The following SLC17A5 variants were observed in gnomAD, a reference collection of about 807,000 sequenced individuals.
The protein encoded by SLC17A5 is solute carrier family 17 member 5, also known as sialin.
A neutral mutation model predicts 59.4 loss-of-function variants in SLC17A5; 47 were observed. The observed-to-expected ratio is 0.79, with a 90% confidence interval of 0.63 to 1.01. The LOEUF is 1.01. Among genes scored for constraint, SLC17A5 ranks in the 50% least tolerant of loss-of-function variants. SLC17A5 has a pLI of 0.00. For synonymous variants in SLC17A5, 202 were observed against 210.7 expected (o/e 0.96, Z 0.36); for missense variants, 522 against 595.5 (o/e 0.88, Z 1.28).
Position 73,601,232 on chromosome 6 carries a change from C to T in SLC17A5, c.1260-791G>A, listed in dbSNP as rs190683527. Among the ~76,000 whole-genome samples the T allele has an allele frequency of 1.3e-3, 184 of 140,642 alleles. 1 individual carries two copies. Among genetic ancestry groups the T allele is most frequent in the African/African-American group, 4.8e-3 (180 of 37,196 alleles). The allele number at this position is 140,642 out of a possible 152,430, so 92.3% of individuals were successfully genotyped here. On this transcript the variant is annotated intron_variant, in intron 9 of 10. Coordinates refer to ENST00000355773, the MANE Select transcript of SLC17A5 (RefSeq NM_012434.5). ...ATGTGAGGAGCGCCTCTGCCTGGCC[C>T]CGACCCCGTCTGGAAGGTGAGGAGC... is the stretch of plus-strand genomic sequence containing the variant.
intron 10 of SLC17A5, among the ~76,000 whole-genome samples, chr6:73,599,687 C>T (rs1279970188): frequency 6.6e-6 from 1 of 152,130 alleles, no homozygotes; most frequent in East Asian, 1.9e-4. Flanking sequence ...GGTACCGTGT[C>T]ACTTAAGGAA....
At chr6:73,603,570 A>G (rs912537116) in intron 9 of SLC17A5, among the ~76,000 whole-genome samples, 1 of 151,250 alleles carries the variant, frequency 6.6e-6, no homozygotes, top group Non-Finnish European at 1.5e-5. Flanking sequence ...ACAGGCATGC[A>G]CCACCATACC....
At chr6:73,602,419 A>C (rs1767179776) in intron 9 of SLC17A5, among the ~76,000 whole-genome samples, 1 of 147,322 alleles carries the variant, frequency 6.8e-6, no homozygotes, top group African/African-American at 2.6e-5. Flanking sequence ...TGTGAGAAAC[A>C]CCCAAGAATG....
rs779498642 is a variant in SLC17A5 at position 73,595,202 on chromosome 6, C to T, written c.1363G>A (p.Glu455Lys). Residue 455 changes from glutamate (E) to lysine (K), a missense_variant, in exon 11 of 11, where the codon GAA becomes AAA. Physicochemically the swap from Glu to Lys is moderately conservative, Grantham distance 56. Transcript: ENST00000355773. ...GCAATATAGAACACGGTTTGCCATTCTCCAACAGTGTTCTATAAAGGAAGA... is the reference window on the plus strand; with the variant it reads ...GCAATATAGAACACGGTTTGCCATTTTCCAACAGTGTTCTATAAAGGAAGA... ...KSLTPDNTVG[E>K]WQTVFYIAAA... The T allele has an allele frequency of 6.2e-7, 1 of 1,614,048 alleles. No homozygotes were observed. The highest frequency in any genetic ancestry group is 1.1e-5 in the South Asian group (1 of 91,074).
chr6:73,610,848 T>C (rs142696683), intron 8 of SLC17A5, among the ~76,000 whole-genome samples: 135 of 152,324 alleles, frequency 8.9e-4, no homozygotes, highest in African/African-American at 3.2e-3. Context: ...TAAAAATATG[T>C]TTCTAGAGAG....
intron 2 of SLC17A5, among the ~76,000 whole-genome samples, chr6:73,643,474 T>A (rs971861250): frequency 1.3e-4 from 19 of 142,050 alleles, no homozygotes; most frequent in South Asian, 6.6e-4. Context: ...ATTTATTATT[T>A]TTTATTTATT....
chr6:73,617,310 A>C (rs899916745), intron 7 of SLC17A5, among the ~76,000 whole-genome samples: 4 of 151,740 alleles, frequency 2.6e-5, no homozygotes. Flanking sequence ...GAAAAAAAAC[A>C]AAAAAAAGAA....
chr6:73,600,583 A>T, intron 9 of SLC17A5, 142 bp from the exon 10 acceptor site: 2 of 697,836 alleles, frequency 2.9e-6, no homozygotes, highest in Non-Finnish European at 2.4e-6. Flanking sequence ...ATCTCAGCTC[A>T]CTGCAGCCTC....
intron 10 of SLC17A5, among the ~76,000 whole-genome samples, chr6:73,598,533 A>G (rs1766921069): frequency 6.6e-6 from 1 of 152,140 alleles, no homozygotes; most frequent in African/African-American, 2.4e-5. Flanking sequence ...TGGGAGGCTG[A>G]GGCAGGAGAA....
intron 10 of SLC17A5, among the ~76,000 whole-genome samples, chr6:73,595,511 G>A (rs1270736723): frequency 1.3e-5 from 2 of 152,140 alleles, no homozygotes; most frequent in African/African-American, 4.8e-5. Flanking sequence ...AAAGCCCAAA[G>A]TCAGACCATA....
chr6:73,642,495 G>T (rs576214313), intron 2 of SLC17A5, among the ~76,000 whole-genome samples: 2 of 152,306 alleles, frequency 1.3e-5, no homozygotes, highest in South Asian at 4.1e-4. Flanking sequence ...CTTAGTGCTG[G>T]CTATTAACAT....
At chr6:73,645,644 C>A (rs1322692347) in intron 1 of SLC17A5, 1 of 254,484 alleles carries the variant, frequency 3.9e-6, no homozygotes, top group Non-Finnish European at 6.2e-6. Context: ...AAAAATTAGC[C>A]GGGCGTGGTC....
intron 6 of SLC17A5, among the ~76,000 whole-genome samples, chr6:73,625,441 T>C (rs6940886): frequency 0.16 from 24,833 of 152,024 alleles, 3,140 homozygotes; most frequent in African/African-American, 0.35. Flanking sequence ...CTAGCCTCGG[T>C]CTCCCAAAGT....
At chr6:73,647,180 T>C (rs767760304) in intron 1 of SLC17A5, among the ~76,000 whole-genome samples, 3 of 152,236 alleles carry the variant, frequency 2.0e-5, no homozygotes, top group Non-Finnish European at 4.4e-5. Context: ...AAAGGAGTGA[T>C]GAGATGTGAT....
chr6:73,595,047 T>C lies in SLC17A5; in HGVS notation c.*30A>G, dbSNP rs766699056. 2.2e-5 allele frequency: 36 copies of C among 1,612,642 alleles called. No homozygotes were observed. The highest frequency in any genetic ancestry group is 3.0e-5 in the Non-Finnish European group (35 of 1,178,896). Reference sequence around the variant, plus strand: ...GGTTACATGATAAATAAAAATACATTAATAGAGGCAGGATTATTTATTGGT... The same window carrying C: ...GGTTACATGATAAATAAAAATACATCAATAGAGGCAGGATTATTTATTGGT... On this transcript the variant is annotated 3_prime_UTR_variant, in exon 11 of 11. Transcript: ENST00000355773.
At chr6:73,621,358 C>G (rs184308299) in intron 7 of SLC17A5, among the ~76,000 whole-genome samples, 11 of 152,290 alleles carry the variant, frequency 7.2e-5, no homozygotes, top group African/African-American at 2.2e-4. Flanking sequence ...GGTCTGGTCT[C>G]AAATGCCTGG....
chr6:73,604,042 C>T (rs1352782904), intron 9 of SLC17A5, among the ~76,000 whole-genome samples: 1 of 152,068 alleles, frequency 6.6e-6, no homozygotes, highest in African/African-American at 2.4e-5. Flanking sequence ...TGTGCATACA[C>T]ACAGCACTAT....
At chr6:73,617,219 A>G (rs567992725) in intron 7 of SLC17A5, among the ~76,000 whole-genome samples, 1 of 151,926 alleles carries the variant, frequency 6.6e-6, no homozygotes, top group East Asian at 1.9e-4. Context: ...TGAACCTGGG[A>G]GGTGGAGGTT....
chr6:73,603,106 A>G (rs1483314866), intron 9 of SLC17A5, among the ~76,000 whole-genome samples: 1 of 152,292 alleles, frequency 6.6e-6, no homozygotes, highest in South Asian at 2.1e-4. Context: ...ACGTGAGATC[A>G]TATCAAACAT....
Sources: gnomAD v4.1 joint callset for allele counts (sites outside exome capture counted in the v4.1 genomes callset) on GRCh38, gnomAD v4.1.1 for gene constraint, MANE v1.5 for transcripts, NCBI Gene and HGNC (gene_info 2026-07-23, HGNC 2026-07-21) for gene names.